The following PARD6G variants were observed in gnomAD, a reference collection of about 807,000 sequenced individuals.
PARD6G encodes the protein partitioning defective 6 homolog gamma.
Under a neutral mutation model 10.7 loss-of-function variants are expected in PARD6G, and 7 were observed. The ratio of observed to expected loss-of-function variants is 0.66; its 90% CI spans 0.37 to 1.23. The LOEUF is 1.23. Ranked by LOEUF, PARD6G falls within the 50% of genes most tolerant of loss-of-function variation. The pLI is 0.02. For missense variants in PARD6G, 548 were observed against 571.8 expected, an observed-to-expected ratio of 0.96 and a Z score of 0.42; for synonymous variants, 287 against 269.4, an observed-to-expected ratio of 1.07 and a Z score of -0.64.
chr18:80,218,340 C>T (rs983514076), intron 1 of PARD6G, among the ~76,000 whole-genome samples: 3 of 151,924 alleles, frequency 2.0e-5, no homozygotes, highest in African/African-American at 7.3e-5. Context: ...TGGGTAAATA[C>T]ACCCATTCCA....
At chr18:80,209,944 A>G (rs1300524315) in intron 1 of PARD6G, among the ~76,000 whole-genome samples, 1 of 152,196 alleles carries the variant, frequency 6.6e-6, no homozygotes, top group East Asian at 1.9e-4. Context: ...TATCATATCA[A>G]TCTCTATTAA....
chr18:80,187,782 G>C (rs1212120992), intron 2 of PARD6G: 1 of 152,200 alleles, frequency 6.6e-6, no homozygotes, highest in Non-Finnish European at 1.5e-5. Flanking sequence ...CGCATCATTT[G>C]GTGACTGGTC....
Position 80,159,676 on chromosome 18 carries a change from A to G in PARD6G, c.*95T>C. ...AAAGAGCAGCGTTGTTTTTGTGGTC[A>G]CAAAAACAACAAAAAATGAGCGGAT... On this transcript the variant is annotated 3_prime_UTR_variant, in exon 3 of 3. Coordinates refer to ENST00000353265, the MANE Select transcript of PARD6G (RefSeq NM_032510.4). 2 of 1,317,278 alleles carry G rather than the reference A, an allele frequency of 1.5e-6. No individual in the cohort carries two copies. The highest frequency in any genetic ancestry group is 9.7e-7 in the Non-Finnish European group (1 of 1,031,260). 81.6% of individuals were successfully genotyped at this position (1,317,278 alleles called of 1,614,324 possible).
In PARD6G at chr18:80,175,573, G is replaced by A. The variant is rs755173325; in HGVS notation, c.296-14967C>T. On this transcript the variant is annotated intron_variant, in intron 2 of 2. Coordinates refer to ENST00000353265, the MANE Select transcript of PARD6G (RefSeq NM_032510.4). This position sits in a 1 kb window ranked among gnomAD's most constrained non-coding sequence, Gnocchi z 6.7. The stretch of plus-strand genomic sequence containing the variant: ...CAGTCAGACTGAGGGCTAGGACTTC[G>A]ACATCAGAACCTGGGGTGACGTATC... 1.3e-5 allele frequency among the ~76,000 whole-genome samples: 2 copies of A among 152,196 alleles called. No homozygotes were observed. The highest frequency in any genetic ancestry group is 2.9e-5 in the Non-Finnish European group (2 of 68,046).
chr18:80,219,409 C>T (rs558181199), intron 1 of PARD6G, among the ~76,000 whole-genome samples: 2 of 152,140 alleles, frequency 1.3e-5, no homozygotes, highest in Non-Finnish European at 2.9e-5. Context: ...GCAGTTTCAC[C>T]ATGTTGGCTA....
At chr18:80,185,601 C>T (rs1473549480) in intron 2 of PARD6G, among the ~76,000 whole-genome samples, 1 of 151,986 alleles carries the variant, frequency 6.6e-6, no homozygotes, top group Non-Finnish European at 1.5e-5. Flanking sequence ...ACAAGGGACA[C>T]GCACATGCTC....
In PARD6G at chr18:80,195,572, TAC is replaced by T. The variant is rs10539423; in HGVS notation, c.295+7136_295+7137del. Among the ~76,000 whole-genome samples, 152 of 87,332 alleles carry T rather than the reference TAC, an allele frequency of 1.7e-3. 3 individuals carry two copies. Among genetic ancestry groups the T allele is most frequent in the African/African-American group, 7.0e-3 (119 of 16,910 alleles). The allele number at this position is 87,332 out of a possible 152,430, so 57.3% of individuals were successfully genotyped here. On this transcript the variant is annotated intron_variant, in intron 2 of 2. Transcript: ENST00000353265. ...ACATATATATATATATATATATATATACACACATTTTTTTTTCTTTTTTTTTC... is the reference window on the plus strand; with the variant it reads ...ACATATATATATATATATATATATATACACATTTTTTTTTCTTTTTTTTTC...
intron 1 of PARD6G, among the ~76,000 whole-genome samples, chr18:80,214,548 C>T (rs1967143034): frequency 6.6e-6 from 1 of 151,990 alleles, no homozygotes. Flanking sequence ...AGTAGAAATG[C>T]TAGAGTTGAA....
chr18:80,212,728 T>C (rs1056682623), intron 1 of PARD6G, among the ~76,000 whole-genome samples: 1 of 151,508 alleles, frequency 6.6e-6, no homozygotes, highest in Non-Finnish European at 1.5e-5. Flanking sequence ...TACTAAAAAA[T>C]ACAAAAATTG....
At chr18:80,222,342 G>A (rs192953965) in intron 1 of PARD6G, among the ~76,000 whole-genome samples, 147 of 152,120 alleles carry the variant, frequency 9.7e-4, no homozygotes, top group African/African-American at 2.7e-3. Context: ...TTCTGCCTTG[G>A]CCTCCCAAAG....
intron 2 of PARD6G, among the ~76,000 whole-genome samples, chr18:80,177,617 C>T (rs920027326): frequency 6.6e-6 from 1 of 150,624 alleles, no homozygotes; most frequent in Non-Finnish European, 1.5e-5. Flanking sequence ...CACAGACACA[C>T]AGAATAAATC....
intron 1 of PARD6G, among the ~76,000 whole-genome samples, chr18:80,239,516 A>G (rs1967466225): frequency 6.6e-6 from 1 of 152,222 alleles, no homozygotes; most frequent in Non-Finnish European, 1.5e-5. Flanking sequence ...GGGCCACGTT[A>G]TTCAAAGCCA....
Position 80,247,273 on chromosome 18 carries a change from T to G in PARD6G, c.72+4A>C, listed in dbSNP as rs770484979. 7 of 1,574,952 alleles carry G rather than the reference T, an allele frequency of 4.4e-6. No homozygotes were observed. The highest frequency in any genetic ancestry group is 4.2e-5 in the African/African-American group (3 of 71,218). ...AGGGCCGCCGGGGCGGGCGGGGGGC[T>G]TACCTTGCTCTTGACTTCCACTGCG... On this transcript the variant is annotated splice_donor_region_variant and intron_variant, in intron 1 of 2. Coordinates refer to ENST00000353265, the MANE Select transcript of PARD6G (RefSeq NM_032510.4). This position sits in a 1 kb window ranked among gnomAD's most constrained non-coding sequence, Gnocchi z 4.2.
rs375100115 is a variant in PARD6G at position 80,235,882 on chromosome 18, C to A, written c.72+11395G>T. Among the ~76,000 whole-genome samples the A allele has an allele frequency of 8.5e-5, 13 of 152,198 alleles. No individual in the cohort carries two copies. In the East Asian group the frequency reaches 1.9e-3, roughly 23 times the overall value. ...TAATAGCTTAGCAACCAAAAAAAGT[C>A]CAGGACCAGATGGATTCACAGCCGA... On this transcript the variant is annotated intron_variant, in intron 1 of 2. Coordinates refer to ENST00000353265, the MANE Select transcript of PARD6G (RefSeq NM_032510.4).
chr18:80,178,514 A>T (rs2145260448), intron 2 of PARD6G: 1 of 152,496 alleles, frequency 6.6e-6, no homozygotes, highest in Middle Eastern at 3.4e-3. Context: ...CCCAGCTTGC[A>T]GCCATCTTCC....
rs533892694 is a variant in PARD6G at position 80,192,261 on chromosome 18, T to A, written c.295+10449A>T. On this transcript the variant is annotated intron_variant, in intron 2 of 2. Transcript: ENST00000353265. The surrounding 1 kb of genome is among the most constrained non-coding windows in gnomAD (Gnocchi z 4.9). Reference sequence around the variant, plus strand: ...CTCTCCTTCGGTGGTCTCTGAGTCGTCCCTGAGGTGGGGTGCAGTGCAGGC... The same window carrying A: ...CTCTCCTTCGGTGGTCTCTGAGTCGACCCTGAGGTGGGGTGCAGTGCAGGC... 6.6e-6 allele frequency among the ~76,000 whole-genome samples: 1 copy of A among 152,322 alleles called. No homozygotes were observed. Among genetic ancestry groups the A allele is most frequent in the South Asian group, 2.1e-4 (1 of 4,832 alleles).
At chr18:80,223,062 T>C (rs1190191725) in intron 1 of PARD6G, among the ~76,000 whole-genome samples, 1 of 152,192 alleles carries the variant, frequency 6.6e-6, no homozygotes, top group Admixed American at 6.5e-5. Flanking sequence ...CAACTGCATA[T>C]CCACATGCAA....
At chr18:80,232,175 C>T (rs191252625) in intron 1 of PARD6G, among the ~76,000 whole-genome samples, 5 of 152,108 alleles carry the variant, frequency 3.3e-5, no homozygotes, top group South Asian at 2.1e-4. Context: ...GTTCTGCCCC[C>T]GCCCCCCAAG....
Position 80,159,923 on chromosome 18 carries a change from T to C in PARD6G, c.979A>G (p.Asn327Asp). The change falls in exon 3 of 3, where the codon AAT becomes GAT. Residue 327 changes from asparagine to aspartate, a missense_variant. Asn to Asp is a conservative substitution (Grantham distance 23). Around this residue, in one of 2 missense-constraint regions of PARD6G, gnomAD observed 313 missense variants for 279.9 expected, o/e 1.12. Transcript: ENST00000353265. ...GAPAGSLSRVNGAGLAQRLQR... is the reference protein window; with the variant it reads ...GAPAGSLSRVDGAGLAQRLQR... The stretch of plus-strand genomic sequence containing the variant: ...AGCCGCTGCGCCAGGCCCGCGCCAT[T>C]GACCCGGGAGAGGCTGCCTGCGGGC... 1 of 1,507,516 alleles carries C rather than the reference T, an allele frequency of 6.6e-7. No individual in the cohort carries two copies. The highest frequency in any genetic ancestry group is 8.8e-7 in the Non-Finnish European group (1 of 1,135,744). 93.4% of individuals were successfully genotyped at this position (1,507,516 alleles called of 1,614,324 possible).
Sources: allele counts gnomAD v4.1 joint callset (sites outside exome capture counted in the v4.1 genomes callset), GRCh38; gene constraint gnomAD v4.1.1; regional missense constraint gnomAD v4.1.1; non-coding constraint Gnocchi (gnomAD v3.1); transcripts MANE v1.5; gene names NCBI Gene and HGNC (gene_info 2026-07-23, HGNC 2026-07-21).